VEPH1: variants seen among roughly 807,000 people sequenced by gnomAD.
The protein encoded by VEPH1 is ventricular zone expressed PH domain containing 1.
A neutral mutation model predicts 85.2 loss-of-function variants in VEPH1; 80 were observed. That is an observed-to-expected ratio of 0.94 (90% CI 0.78 to 1.13). The LOEUF is 1.13. VEPH1 is among the 50% of genes most tolerant of loss of function. VEPH1 has a pLI of 0.00. For missense variants in VEPH1, 955 were observed against 980.5 expected (o/e 0.97, Z 0.35); for synonymous variants, 297 against 348.0 (o/e 0.85, Z 1.63).
At chr3:157,452,448 GA>G (rs915219001) in intron 4 of VEPH1, among the ~76,000 whole-genome samples, 1 of 152,198 alleles carries the variant, frequency 6.6e-6, no homozygotes, top group African/African-American at 2.4e-5. Flanking sequence ...GCCACAAGGG[GA>G]GAACCTCTAA....
intron 12 of VEPH1, among the ~76,000 whole-genome samples, chr3:157,276,894 A>AT (rs36002636): frequency 2.3e-3 from 330 of 141,670 alleles, no homozygotes; most frequent in Non-Finnish European, 3.9e-3. Context: ...GAAGAAGATA[A>AT]TTTTTTTTTT....
chr3:157,309,679 A>T (rs964926510), intron 11 of VEPH1, among the ~76,000 whole-genome samples: 2 of 152,038 alleles, frequency 1.3e-5, no homozygotes, highest in East Asian at 3.8e-4. Flanking sequence ...AAAATATTTT[A>T]GCATTATATT....
intron 4 of VEPH1, among the ~76,000 whole-genome samples, chr3:157,452,838 G>T (rs1424076444): frequency 6.6e-6 from 1 of 152,164 alleles, no homozygotes; most frequent in South Asian, 2.1e-4. Flanking sequence ...GTGGACATTT[G>T]TGTTCTTTCA....
intron 11 of VEPH1, among the ~76,000 whole-genome samples, chr3:157,296,336 A>G (rs1410169653): frequency 6.6e-6 from 1 of 152,224 alleles, no homozygotes; most frequent in East Asian, 1.9e-4. Flanking sequence ...AAAAATAAAA[A>G]TGAGGCAGAG....
chr3:157,463,741 C>G (rs1736098687), intron 3 of VEPH1, among the ~76,000 whole-genome samples: 1 of 152,176 alleles, frequency 6.6e-6, no homozygotes, highest in Non-Finnish European at 1.5e-5. Flanking sequence ...CCAGTGCACT[C>G]AACCCCAGTG....
At chr3:157,442,237 GT>G in intron 4 of VEPH1, 1 of 861,564 alleles carries the variant, frequency 1.2e-6, no homozygotes, top group South Asian at 2.0e-5. Context: ...TTCTTAAGTC[GT>G]AATGTAGGGT....
chr3:157,346,459 G>A (rs975395644), intron 9 of VEPH1, among the ~76,000 whole-genome samples: 2 of 152,136 alleles, frequency 1.3e-5, no homozygotes, highest in African/African-American at 4.8e-5. Context: ...CAGTTTCTAA[G>A]TTGAAATTAG....
At chr3:157,343,255 G>C (rs1362812081) in intron 9 of VEPH1, among the ~76,000 whole-genome samples, 1 of 152,074 alleles carries the variant, frequency 6.6e-6, no homozygotes, top group Non-Finnish European at 1.5e-5. Flanking sequence ...TTTTTGAAAA[G>C]ATCAACAAAA....
chr3:157,329,692 A>T (rs2108594848), intron 9 of VEPH1, among the ~76,000 whole-genome samples: 1 of 152,236 alleles, frequency 6.6e-6, no homozygotes, highest in Admixed American at 6.5e-5. Flanking sequence ...ATGAAAAGTC[A>T]TAAAATAATG....
At chr3:157,409,617 C>T (rs1266470398) in intron 6 of VEPH1, 2 of 985,210 alleles carry the variant, frequency 2.0e-6, no homozygotes, top group Non-Finnish European at 2.4e-6. Flanking sequence ...CAACTCTTCT[C>T]TGCCGAATGT....
chr3:157,307,779 T>G (rs1352533838), intron 11 of VEPH1, among the ~76,000 whole-genome samples: 1 of 151,880 alleles, frequency 6.6e-6, no homozygotes, highest in Non-Finnish European at 1.5e-5. Flanking sequence ...AATTACATTT[T>G]AATTTGGGAG....
intron 4 of VEPH1, among the ~76,000 whole-genome samples, chr3:157,452,969 G>C (rs1735096313): frequency 6.6e-6 from 1 of 152,170 alleles, no homozygotes; most frequent in African/African-American, 2.4e-5. Flanking sequence ...CCTGCTTTGA[G>C]GGTGGCTCAT....
chr3:157,503,067 G>A (rs1220019268), intron 1 of VEPH1, among the ~76,000 whole-genome samples: 2 of 152,086 alleles, frequency 1.3e-5, no homozygotes, highest in African/African-American at 4.8e-5. Context: ...CAGAGAAGTG[G>A]CATTTTTACT....
chr3:157,362,227 C>T (rs1426045949), intron 9 of VEPH1, among the ~76,000 whole-genome samples: 2 of 151,980 alleles, frequency 1.3e-5, no homozygotes, highest in East Asian at 1.9e-4. Flanking sequence ...GACGGGGTTT[C>T]ACCATGTTGG....
intron 6 of VEPH1, among the ~76,000 whole-genome samples, chr3:157,387,769 C>G (rs7617727): frequency 6.6e-6 from 1 of 151,986 alleles, no homozygotes; most frequent in Admixed American, 6.5e-5. Context: ...TCTAATGCCA[C>G]GTAAATCTCT....
intron 4 of VEPH1, among the ~76,000 whole-genome samples, chr3:157,451,816 A>C (rs1734991719): frequency 6.6e-6 from 1 of 152,198 alleles, no homozygotes; most frequent in South Asian, 2.1e-4. Context: ...TGCTCATAAA[A>C]TTTATGGGTG....
At chr3:157,303,629 GC>G (rs1719085820) in intron 11 of VEPH1, among the ~76,000 whole-genome samples, 2 of 152,188 alleles carry the variant, frequency 1.3e-5, no homozygotes, top group African/African-American at 4.8e-5. Context: ...CCAGACATTT[GC>G]CTCTGCATCC....
intron 5 of VEPH1, among the ~76,000 whole-genome samples, chr3:157,424,010 TGTTG>T (rs1296561796): frequency 6.6e-6 from 1 of 152,094 alleles, no homozygotes. Flanking sequence ...TGTGCACACA[TGTTG>T]GTTGATATGG....
intron 12 of VEPH1, among the ~76,000 whole-genome samples, chr3:157,278,934 G>T (rs936120519): frequency 4.6e-5 from 7 of 152,116 alleles, no homozygotes; most frequent in African/African-American, 1.7e-4. Context: ...TGTAATCTCA[G>T]CTACTCTGGA....
Sources: gnomAD v4.1 joint callset for allele counts (sites outside exome capture counted in the v4.1 genomes callset) on GRCh38, gnomAD v4.1.1 for gene constraint, MANE v1.5 for transcripts, NCBI Gene and HGNC (gene_info 2026-07-23, HGNC 2026-07-21) for gene names.